Variants in KLHL25 observed in about 807,000 individuals in gnomAD.
The protein encoded by KLHL25 is kelch like family member 25.
Under a neutral mutation model 30.0 loss-of-function variants are expected in KLHL25, and 41 were observed. That is an observed-to-expected ratio of 1.37 (90% confidence interval 1.07 to 1.78). The LOEUF is 1.78. KLHL25 is among the 40% of genes most tolerant of loss of function. KLHL25 has a pLI of 0.00. For missense variants in KLHL25, 971 were observed against 824.5 expected, an observed-to-expected ratio of 1.18 and a Z score of -2.18; for synonymous variants, 399 against 355.3, an observed-to-expected ratio of 1.12 and a Z score of -1.38.
chr15:85,767,756 G>T, intron 2 of KLHL25, among the ~76,000 whole-genome samples: 1 of 152,200 alleles, frequency 6.6e-6, no homozygotes, highest in East Asian at 1.9e-4. Flanking sequence ...TGATTCTGAA[G>T]TATAACCATG....
chr15:85,759,777 T>C lies in KLHL25; in HGVS notation c.*1259A>G, dbSNP rs2089567987. 1 of 152,290 alleles carries C rather than the reference T, an allele frequency of 6.6e-6. No homozygotes were observed. Among genetic ancestry groups the C allele is most frequent in the Admixed American group, 6.5e-5 (1 of 15,290 alleles). The allele number at this position is 152,290 out of a possible 1,614,324, so 9.4% of individuals were successfully genotyped here. ...TGAGCCAGCCAAGCAGTGTTCACAC[T>C]GCAGGTGCCTGGGAAGCCCCAAGTT... On this transcript the variant is annotated 3_prime_UTR_variant, in exon 3 of 3. Transcript: ENST00000337975.
intron 1 of KLHL25, among the ~76,000 whole-genome samples, chr15:85,771,667 G>A (rs1368355043): frequency 1.3e-5 from 2 of 152,222 alleles, no homozygotes; most frequent in African/African-American, 4.8e-5. Flanking sequence ...CTAAGACACT[G>A]CTGTCCAAAC....
rs753694973 is a variant in KLHL25 at position 85,770,592 on chromosome 15, G to A, written c.-10-772C>T. ...ACCTAGCTGGGGCAAGTGATGGCTT[G>A]GAGGTGGGGCCGCCAGTGACTCACC... On this transcript the variant is annotated intron_variant, in intron 1 of 2. Transcript: ENST00000337975. 11 of 530,446 alleles carry A rather than the reference G, an allele frequency of 2.1e-5. No homozygotes were observed. In the Admixed American group the frequency reaches 2.1e-4, roughly 10 times the overall value. The allele number at this position is 530,446 out of a possible 1,614,324, so 32.9% of individuals were successfully genotyped here.
At position 85,789,315 on chromosome 15, in the gene KLHL25, G is replaced by A. The variant is rs778374622; in HGVS notation, c.-11+5451C>T. On this transcript the variant is annotated intron_variant, in intron 1 of 2. Transcript: ENST00000337975. The surrounding 1 kb of genome is among the most constrained non-coding windows in gnomAD (Gnocchi z 4.1). Reference sequence around the variant, plus strand: ...GCTCAGCCCTGCTTCCCCGTGGGAGGAGCCATCCAACTGGTCTTGCAGGCT... The same window carrying A: ...GCTCAGCCCTGCTTCCCCGTGGGAGAAGCCATCCAACTGGTCTTGCAGGCT... Among the ~76,000 whole-genome samples, 3 of 152,106 alleles carry A rather than the reference G, an allele frequency of 2.0e-5. No individual in the cohort carries two copies. Among genetic ancestry groups the A allele is most frequent in the African/African-American group, 4.8e-5 (2 of 41,430 alleles).
At chr15:85,786,504 G>A (rs1403406237) in intron 1 of KLHL25, among the ~76,000 whole-genome samples, 1 of 152,222 alleles carries the variant, frequency 6.6e-6, no homozygotes, top group African/African-American at 2.4e-5. Flanking sequence ...AGTCTGTGGT[G>A]GCCACTGCCC....
At chr15:85,774,215 T>G (rs1260551028) in intron 1 of KLHL25, among the ~76,000 whole-genome samples, 1 of 152,118 alleles carries the variant, frequency 6.6e-6, no homozygotes, top group Non-Finnish European at 1.5e-5. Flanking sequence ...GCTCTGCACA[T>G]ATCACAGAAT....
chr15:85,773,738 C>T (rs1293613776), intron 1 of KLHL25, among the ~76,000 whole-genome samples: 2 of 152,174 alleles, frequency 1.3e-5, no homozygotes, highest in Non-Finnish European at 2.9e-5. Flanking sequence ...GACTGCTGAC[C>T]GGACTGGACC....
rs748145911 is a variant in KLHL25, at chr15:85,768,002, C to A, written c.*24+15G>T. On this transcript the variant is annotated intron_variant, in intron 2 of 2. Coordinates refer to ENST00000337975, the MANE Select transcript of KLHL25 (RefSeq NM_022480.4). The stretch of plus-strand genomic sequence containing the variant: ...TTTCCGGACCCAGAGTGGCCGTGGG[C>A]TGCCAGGGACTCACCTGGCTGGGCT... 6.5e-7 allele frequency: 1 copy of A among 1,547,480 alleles called. No individual in the cohort carries two copies. Among genetic ancestry groups the A allele is most frequent in the Non-Finnish European group, 8.8e-7 (1 of 1,133,720 alleles).
At chr15:85,784,147 T>C (rs189777644) in intron 1 of KLHL25, among the ~76,000 whole-genome samples, 2 of 152,240 alleles carry the variant, frequency 1.3e-5, no homozygotes, top group Non-Finnish European at 2.9e-5. Flanking sequence ...GTGTGCTACA[T>C]AGGTAATTAA....
intron 1 of KLHL25, among the ~76,000 whole-genome samples, chr15:85,783,364 G>C (rs980425292): frequency 2.0e-5 from 3 of 151,828 alleles, no homozygotes; most frequent in Non-Finnish European, 4.4e-5. Flanking sequence ...AAAGTGCTGG[G>C]ATTACAGGCA....
chr15:85,782,305 C>T (rs962202190), intron 1 of KLHL25, among the ~76,000 whole-genome samples: 2 of 152,044 alleles, frequency 1.3e-5, no homozygotes, highest in African/African-American at 4.8e-5. Context: ...TTGGGGTTTT[C>T]CTTCCCAGTC....
At chr15:85,780,621 C>G (rs1441227042) in intron 1 of KLHL25, among the ~76,000 whole-genome samples, 1 of 152,236 alleles carries the variant, frequency 6.6e-6, no homozygotes, top group Non-Finnish European at 1.5e-5. Context: ...GCACTGGCCA[C>G]TTACTGGTAG....
chr15:85,766,419 T>C (rs2089626151), intron 2 of KLHL25, among the ~76,000 whole-genome samples: 1 of 152,194 alleles, frequency 6.6e-6, no homozygotes, highest in East Asian at 1.9e-4. Flanking sequence ...AGAGGGTGTG[T>C]TGGGCACAAA....
At position 85,768,443 on chromosome 15, in the gene KLHL25, C is replaced by T; in HGVS notation, c.1368G>A (p.Arg456=). 1 of 1,613,378 alleles carries T rather than the reference C, an allele frequency of 6.2e-7. No homozygotes were observed. The highest frequency in any genetic ancestry group is 8.5e-7 in the Non-Finnish European group (1 of 1,179,754). The part of the protein sequence containing the change: ...LFVFGGTSIH[R]DMVSKVQCYD... The stretch of plus-strand genomic sequence containing the variant: ...AGCACTGGACCTTGGACACCATGTC[C>T]CGGTGGATGCTGGTTCCTCCGAAAA... Residue 456 remains arginine, a synonymous_variant, in exon 2 of 3, where the codon CGG becomes CGA. Coordinates refer to ENST00000337975, the MANE Select transcript of KLHL25 (RefSeq NM_022480.4).
intron 1 of KLHL25, among the ~76,000 whole-genome samples, chr15:85,772,565 A>G (rs1361790751): frequency 6.6e-6 from 1 of 152,148 alleles, no homozygotes; most frequent in Non-Finnish European, 1.5e-5. Flanking sequence ...GAACCAACAC[A>G]CCTAGAACTA....
rs1356218004 is a variant in KLHL25 at position 85,768,284 on chromosome 15, G to A, written c.1527C>T (p.Tyr509=). 6.2e-7 allele frequency: 1 copy of A among 1,614,074 alleles called. No individual in the cohort carries two copies. The stretch of plus-strand genomic sequence containing the variant: ...ACTGGTTGGTCTCACAGTCAAAGCG[G>A]TAGGCCGAGGCGGCTGTGAATTCCG... The part of the protein sequence containing the change: ...GDTEFTAASA[Y]RFDCETNQWT... Residue 509 remains tyrosine, a synonymous_variant, in exon 2 of 3, where the codon TAC becomes TAT. Transcript: ENST00000337975.
chr15:85,772,689 CCAAAAAGCAGGG>C (rs1447897942), intron 1 of KLHL25, among the ~76,000 whole-genome samples: 3 of 152,218 alleles, frequency 2.0e-5, no homozygotes, highest in Non-Finnish European at 4.4e-5. Flanking sequence ...ACCGAGAAAG[CCAAAAAGCAGGG>C]CAAATTGAAA....
At chr15:85,777,524 G>C (rs900075500) in intron 1 of KLHL25, among the ~76,000 whole-genome samples, 1 of 152,212 alleles carries the variant, frequency 6.6e-6, no homozygotes, top group African/African-American at 2.4e-5. Flanking sequence ...CCAGAGGGCC[G>C]GCCGATGTTT....
intron 1 of KLHL25, among the ~76,000 whole-genome samples, chr15:85,792,895 T>TG (rs1275275230): frequency 6.6e-6 from 1 of 152,176 alleles, no homozygotes; most frequent in Non-Finnish European, 1.5e-5. Context: ...CTAATCCATG[T>TG]GCCAGCACTC....
Sources: gnomAD v4.1 joint callset for allele counts (sites outside exome capture counted in the v4.1 genomes callset) on GRCh38, gnomAD v4.1.1 for gene constraint, Gnocchi (gnomAD v3.1) non-coding constraint, MANE v1.5 for transcripts, NCBI Gene and HGNC (gene_info 2026-07-23, HGNC 2026-07-21) for gene names.